The following WDPCP variants were observed in gnomAD, a reference collection of about 807,000 sequenced individuals.
The protein encoded by WDPCP is WD repeat containing planar cell polarity effector, also known as WD repeat-containing and planar cell polarity effector protein fritz homolog.
In WDPCP, 71 loss-of-function variants were observed where a neutral mutation model predicts 93.1. The observed-to-expected ratio is 0.76, with a 90% CI of 0.63 to 0.93. The LOEUF is 0.93. Ranked by LOEUF, WDPCP falls within the 40% of genes least tolerant of loss-of-function variation. WDPCP has a pLI of 0.00. For synonymous variants in WDPCP, 315 were observed against 315.0 expected, an observed-to-expected ratio of 1.00 and a Z score of 0.00; for missense variants, 844 against 887.4, an observed-to-expected ratio of 0.95 and a Z score of 0.62.
In WDPCP at chr2:63,433,730, T is replaced by G; in HGVS notation, c.825+15A>C. ...TTACACTTTATTAAAATGTACATAT[T>G]TGTTTTAGATTTACCTCTAGTCTTC... is the stretch of plus-strand genomic sequence containing the variant. On this transcript the variant is annotated intron_variant, in intron 9 of 17. Coordinates refer to ENST00000272321, the MANE Select transcript of WDPCP (RefSeq NM_015910.7). 1.3e-6 allele frequency: 2 copies of G among 1,597,676 alleles called. No homozygotes were observed. Among genetic ancestry groups the G allele is most frequent in the Non-Finnish European group, 1.7e-6 (2 of 1,167,468 alleles).
Position 63,500,134 on chromosome 2 carries a change from A to C in WDPCP, c.76-7194T>G, listed in dbSNP as rs566607634. On this transcript the variant is annotated intron_variant, in intron 1 of 17. Coordinates refer to ENST00000272321, the MANE Select transcript of WDPCP (RefSeq NM_015910.7). ...AAGGGCAGGACTTGGATTGAAACACACATAGAAACAGGTTAGTCTAGAAGA... is the reference window on the plus strand; with the variant it reads ...AAGGGCAGGACTTGGATTGAAACACCCATAGAAACAGGTTAGTCTAGAAGA... Among the ~76,000 whole-genome samples the C allele has an allele frequency of 2.0e-5, 3 of 152,352 alleles. No individual in the cohort carries two copies. In the East Asian group the frequency reaches 5.8e-4, roughly 29 times the overall value.
At chr2:63,628,182 A>C (rs1299062056) in intron 3 of WDPCP, among the ~76,000 whole-genome samples, 1 of 152,152 alleles carries the variant, frequency 6.6e-6, no homozygotes, top group Non-Finnish European at 1.5e-5. Context: ...TGTTTCAGTA[A>C]TGTTATATAT....
At chr2:63,656,624 G>A (rs549980510) in intron 2 of WDPCP, among the ~76,000 whole-genome samples, 3 of 152,310 alleles carry the variant, frequency 2.0e-5, no homozygotes, top group South Asian at 2.1e-4. Context: ...ATTAAAAGCC[G>A]ACTTGAGCAA....
chr2:63,556,177 G>C (rs901248805), intron 1 of WDPCP, among the ~76,000 whole-genome samples: 1 of 152,156 alleles, frequency 6.6e-6, no homozygotes, highest in Non-Finnish European at 1.5e-5. Flanking sequence ...GCTGAAAAAC[G>C]TAACATGAGA....
At chr2:63,698,334 AG>A (rs1210711887) in intron 2 of WDPCP, among the ~76,000 whole-genome samples, 7 of 152,152 alleles carry the variant, frequency 4.6e-5, no homozygotes, top group Non-Finnish European at 8.8e-5. Context: ...CATGGAGAGA[AG>A]TCACATCCTA....
chr2:63,762,946 TA>T (rs1360370553), intron 2 of WDPCP, among the ~76,000 whole-genome samples: 1 of 152,176 alleles, frequency 6.6e-6, no homozygotes, highest in East Asian at 1.9e-4. Flanking sequence ...CATCCATTTA[TA>T]AAAAAAATTT....
At chr2:63,321,925 T>C (rs1273711036) in intron 12 of WDPCP, among the ~76,000 whole-genome samples, 1 of 152,174 alleles carries the variant, frequency 6.6e-6, no homozygotes, top group Admixed American at 6.5e-5. Flanking sequence ...TGAGGTATTA[T>C]TGACACAAAA....
intron 17 of WDPCP, among the ~76,000 whole-genome samples, chr2:63,140,459 C>A (rs1193237139): frequency 6.6e-6 from 1 of 151,954 alleles, no homozygotes; most frequent in Admixed American, 6.6e-5. Context: ...GGATGTGTTT[C>A]CGTTTGTTTG....
chr2:63,453,266 A>G (rs1460362207), intron 6 of WDPCP, among the ~76,000 whole-genome samples: 2 of 152,222 alleles, frequency 1.3e-5, no homozygotes, highest in South Asian at 4.1e-4. Flanking sequence ...AAACAACCCC[A>G]TCAAAAAGTG....
At chr2:63,391,503 A>ACC (rs969533015) in intron 10 of WDPCP, among the ~76,000 whole-genome samples, 1 of 152,184 alleles carries the variant, frequency 6.6e-6, no homozygotes, top group African/African-American at 2.4e-5. Flanking sequence ...GCCCTCTCTC[A>ACC]CCACTCCTAT....
chr2:63,191,888 T>C (rs538675848), intron 14 of WDPCP, among the ~76,000 whole-genome samples: 3 of 152,324 alleles, frequency 2.0e-5, no homozygotes, highest in Non-Finnish European at 1.5e-5. Flanking sequence ...TATTGGAGCA[T>C]AGCCATGCTT....
At chr2:63,597,552 A>G in intron 3 of WDPCP, 1 of 1,434,232 alleles carries the variant, frequency 7.0e-7, no homozygotes, top group Non-Finnish European at 9.2e-7. Flanking sequence ...GCCTTAGATA[A>G]ATACGCCAAG....
chr2:63,734,893 A>G (rs920020744), intron 2 of WDPCP, among the ~76,000 whole-genome samples: 2 of 151,328 alleles, frequency 1.3e-5, no homozygotes, highest in East Asian at 3.9e-4. Context: ...AGACAGACAG[A>G]CAGACAGACA....
intron 2 of WDPCP, among the ~76,000 whole-genome samples, chr2:63,760,249 T>C (rs1219558355): frequency 1.3e-5 from 2 of 152,196 alleles, no homozygotes; most frequent in Non-Finnish European, 2.9e-5. Flanking sequence ...CTTATGAGAC[T>C]GCATCCATGA....
chr2:63,380,037 G>T (rs1457236149), intron 11 of WDPCP, among the ~76,000 whole-genome samples: 2 of 152,020 alleles, frequency 1.3e-5, no homozygotes, highest in East Asian at 3.9e-4. Flanking sequence ...GCCCATTTGT[G>T]TATTCCCTAA....
In WDPCP at chr2:63,700,302, A is replaced by G. The variant is rs945031414; in HGVS notation, n.309-49464T>C. Reference sequence around the variant, plus strand: ...TGTCTCAAAAAAAAAAAAAAAAAAAAACAAAAAGAAAAAAAGAAAAAAATG... The same window carrying G: ...TGTCTCAAAAAAAAAAAAAAAAAAAGACAAAAAGAAAAAAAGAAAAAAATG... On this transcript the variant is annotated intron_variant and non_coding_transcript_variant, in intron 2 of 4. Coordinates refer to the WDPCP transcript ENST00000467687. Among the ~76,000 whole-genome samples the G allele has an allele frequency of 2.3e-4, 23 of 101,224 alleles. No individual in the cohort carries two copies. In the South Asian group the frequency reaches 4.5e-3, roughly 20 times the overall value. The allele number at this position is 101,224 out of a possible 152,430, so 66.4% of individuals were successfully genotyped here.
At chr2:63,137,345 T>C (rs1409621990) in intron 17 of WDPCP, among the ~76,000 whole-genome samples, 1 of 152,182 alleles carries the variant, frequency 6.6e-6, no homozygotes, top group Non-Finnish European at 1.5e-5. Flanking sequence ...TTTTCATGAT[T>C]GTTGTTTGTA....
chr2:63,512,052 A>G (rs1474756637), intron 1 of WDPCP, among the ~76,000 whole-genome samples: 1 of 151,950 alleles, frequency 6.6e-6, no homozygotes, highest in Non-Finnish European at 1.5e-5. Context: ...TTACAAGAAA[A>G]AAGTAACCCC....
chr2:63,603,655 C>CAT, intron 3 of WDPCP, among the ~76,000 whole-genome samples: 1 of 99,112 alleles, frequency 1.0e-5, no homozygotes. Context: ...CAAGACATTT[C>CAT]TTTTTTTTTT....
Sources: allele counts gnomAD v4.1 joint callset (sites outside exome capture counted in the v4.1 genomes callset), GRCh38; gene constraint gnomAD v4.1.1; transcripts MANE v1.5; gene names NCBI Gene and HGNC (gene_info 2026-07-23, HGNC 2026-07-21).